The following FER1L6 variants were observed in gnomAD, a reference collection of about 807,000 sequenced individuals.
FER1L6 encodes fer-1-like protein 6.
A neutral mutation model predicts 219.2 loss-of-function variants in FER1L6; 177 were observed. That is an observed-to-expected ratio of 0.81 (90% CI 0.71 to 0.91). The LOEUF is 0.91. Ranked by LOEUF, FER1L6 falls within the 40% of genes least tolerant of loss-of-function variation. The pLI, the probability that FER1L6 is intolerant of heterozygous loss-of-function variation, is 0.00. For synonymous variants in FER1L6, 768 were observed against 824.3 expected (o/e 0.93, Z 1.17); for missense variants, 2,153 against 2,259.9 (o/e 0.95, Z 0.96).
chr8:123,899,502 AG>A (rs1812820966), intron 1 of FER1L6, among the ~76,000 whole-genome samples: 1 of 151,900 alleles, frequency 6.6e-6, no homozygotes, highest in Non-Finnish European at 1.5e-5. Flanking sequence ...GCCATGCAAA[AG>A]CTCTTTAATT....
intron 39 of FER1L6, among the ~76,000 whole-genome samples, chr8:124,106,328 CAAAAAAAAAAAAAAAA>C (rs71289636): frequency 1.4e-4 from 9 of 63,848 alleles, no homozygotes; most frequent in African/African-American, 3.2e-4. Context: ...GACTCTGTCT[CAAAAAAAAAAAAAAAA>C]AAAAAAAAAA....
intron 11 of FER1L6, among the ~76,000 whole-genome samples, chr8:123,982,271 T>C (rs1004811668): frequency 1.3e-5 from 2 of 152,146 alleles, no homozygotes; most frequent in African/African-American, 4.8e-5. Flanking sequence ...GTTGAAGCTG[T>C]CTATTCTTTT....
intron 1 of FER1L6, among the ~76,000 whole-genome samples, chr8:123,884,929 A>G (rs1817172305): frequency 6.6e-6 from 1 of 152,304 alleles, no homozygotes; most frequent in African/African-American, 2.4e-5. Flanking sequence ...TGCAGATGCA[A>G]TTAGTTAAGA....
intron 6 of FER1L6, among the ~76,000 whole-genome samples, chr8:123,971,954 A>G (rs916793552): frequency 2.0e-5 from 3 of 152,354 alleles, no homozygotes; most frequent in African/African-American, 7.2e-5. Flanking sequence ...TTTAAGAGGC[A>G]TCCTGTGTTA....
chr8:124,024,196 A>AT (rs201365446), intron 18 of FER1L6, among the ~76,000 whole-genome samples: 7,297 of 142,442 alleles, frequency 0.051, 225 homozygotes, highest in Middle Eastern at 0.091. Flanking sequence ...GTACTTGGCC[A>AT]TTTTTTTTTT....
At chr8:124,046,242 A>G (rs1358730981) in intron 21 of FER1L6, 1 of 177,616 alleles carries the variant, frequency 5.6e-6, no homozygotes, top group African/African-American at 2.4e-5. Context: ...TCCAGGTCCT[A>G]TTGCTGTTTA....
At chr8:123,924,847 A>C (rs4492357) in intron 1 of FER1L6, 70,329 of 151,908 alleles carry the variant, frequency 0.46, 16,520 homozygotes, top group South Asian at 0.52. Context: ...TTGGTTGCGT[A>C]CTGTTCACCT....
In FER1L6 at chr8:124,013,536, C is replaced by T. The variant is rs751270627; in HGVS notation, c.1922+5C>T. On this transcript the variant is annotated splice_donor_5th_base_variant and intron_variant, in intron 15 of 40. Coordinates refer to ENST00000522917, the MANE Select transcript of FER1L6 (RefSeq NM_001039112.2). Reference sequence around the variant, plus strand: ...TGACTTCATCAGTCGGAGCAGGTACCGGGAGAGACAGCCGGCATAGGCGGA... The same window carrying T: ...TGACTTCATCAGTCGGAGCAGGTACTGGGAGAGACAGCCGGCATAGGCGGA... The T allele has an allele frequency of 2.0e-5, 32 of 1,579,362 alleles. 1 individual carries two copies. Among genetic ancestry groups the T allele is most frequent in the South Asian group, 2.0e-4 (17 of 85,288 alleles).
intron 1 of FER1L6, among the ~76,000 whole-genome samples, chr8:123,927,162 G>GAA (rs10531303): frequency 6.6e-5 from 9 of 135,714 alleles, no homozygotes; most frequent in Non-Finnish European, 1.1e-4. Context: ...CAGCAGGCAG[G>GAA]AAAAAAAAAA....
At chr8:123,971,709 G>C (rs1815822953) in intron 6 of FER1L6, among the ~76,000 whole-genome samples, 1 of 152,246 alleles carries the variant, frequency 6.6e-6, no homozygotes, top group Non-Finnish European at 1.5e-5. Context: ...CTGAAAGTCA[G>C]TATGCCCAGA....
intron 1 of FER1L6, among the ~76,000 whole-genome samples, chr8:123,881,178 T>C: frequency 6.6e-6 from 1 of 152,264 alleles, no homozygotes; most frequent in South Asian, 2.1e-4. Context: ...GGAATATTGT[T>C]TTTTCATAAA....
At chr8:123,878,168 C>G (rs1464959352) in intron 1 of FER1L6, among the ~76,000 whole-genome samples, 1 of 152,162 alleles carries the variant, frequency 6.6e-6, no homozygotes, top group African/African-American at 2.4e-5. Context: ...AGTTCCAAAG[C>G]CTCCCAGAAC....
intron 3 of FER1L6, among the ~76,000 whole-genome samples, chr8:123,964,262 T>A (rs1563711701): frequency 6.6e-6 from 1 of 152,258 alleles, no homozygotes; most frequent in African/African-American, 2.4e-5. Flanking sequence ...AACAATGCTT[T>A]CAGTCTACCA....
chr8:124,115,306 T>TG (rs1823197571), intron 39 of FER1L6, among the ~76,000 whole-genome samples: 1 of 151,916 alleles, frequency 6.6e-6, no homozygotes, highest in Non-Finnish European at 1.5e-5. Flanking sequence ...TGAATGCTGA[T>TG]GGTTGAAACA....
At chr8:124,081,201 GCAGA>G (rs986121359) in intron 32 of FER1L6, among the ~76,000 whole-genome samples, 14 of 152,238 alleles carry the variant, frequency 9.2e-5, no homozygotes, top group Non-Finnish European at 1.3e-4. Context: ...CTGTACCAGA[GCAGA>G]CAGTCTACAC....
intron 39 of FER1L6, among the ~76,000 whole-genome samples, chr8:124,117,299 C>G (rs1823288697): frequency 6.6e-6 from 1 of 152,142 alleles, no homozygotes; most frequent in African/African-American, 2.4e-5. Flanking sequence ...ATAAACAAAC[C>G]TGGGACAAAG....
At chr8:124,049,984 G>A (rs896390001) in intron 22 of FER1L6, among the ~76,000 whole-genome samples, 1 of 152,190 alleles carries the variant, frequency 6.6e-6, no homozygotes, top group Non-Finnish European at 1.5e-5. Flanking sequence ...ATATTCTTGC[G>A]GGTTTGGCCA....
chr8:123,865,969 C>G (rs112180636), intron 1 of FER1L6, among the ~76,000 whole-genome samples: 1 of 151,328 alleles, frequency 6.6e-6, no homozygotes, highest in Non-Finnish European at 1.5e-5. Context: ...GAGCTGTAGA[C>G]CGGAGCTGTT....
intron 1 of FER1L6, among the ~76,000 whole-genome samples, chr8:123,892,869 A>T (rs1207831472): frequency 6.6e-6 from 1 of 152,184 alleles, no homozygotes; most frequent in Non-Finnish European, 1.5e-5. Context: ...CAAGAGAGAC[A>T]TATTAAGCTT....
Sources: allele counts gnomAD v4.1 joint callset (sites outside exome capture counted in the v4.1 genomes callset), GRCh38; gene constraint gnomAD v4.1.1; transcripts MANE v1.5; gene names NCBI Gene and HGNC (gene_info 2026-07-23, HGNC 2026-07-21).